Variants in TRMT11 observed in about 807,000 individuals in gnomAD.
The protein encoded by TRMT11 is tRNA (guanine(10)-N(2))-methyltransferase TRMT11.
Under a neutral mutation model 62.8 loss-of-function variants are expected in TRMT11, and 53 were observed. The ratio of observed to expected loss-of-function variants is 0.84; its 90% CI spans 0.68 to 1.06. The LOEUF is 1.06. Ranked by LOEUF, TRMT11 falls within the 50% of genes least tolerant of loss-of-function variation. TRMT11 has a pLI of 0.00. For synonymous variants in TRMT11, 188 were observed against 190.3 expected (o/e 0.99, Z 0.10); for missense variants, 556 against 553.4 (o/e 1.00, Z -0.05).
chr6:126,120,319 T>C (rs974988642), intron 21 of TRMT11, among the ~76,000 whole-genome samples: 2 of 152,122 alleles, frequency 1.3e-5, no homozygotes, highest in East Asian at 1.9e-4. Context: ...CTCAAACATA[T>C]AAAATAGGTA....
Position 125,998,679 on chromosome 6 carries a change from A to G in TRMT11, c.517A>G (p.Arg173Gly). Residue 173 changes from arginine (R) to glycine (G), a missense_variant, in exon 6 of 13, where the codon AGA becomes GGA. Arg to Gly is a moderately radical substitution (Grantham distance 125, BLOSUM62 -2). Transcript: ENST00000334379. Reference protein sequence around the residue: ...PENPHNIYFGRWIADGQRELI... With the variant: ...PENPHNIYFGGWIADGQRELI... ...GAATCCACATAATATTTATTTTGGT[A>G]GATGGGTGAGCAAGTTTTCTTTCTA... is the stretch of plus-strand genomic sequence containing the variant. 6.2e-7 allele frequency: 1 copy of G among 1,609,962 alleles called. No individual in the cohort carries two copies. Among genetic ancestry groups the G allele is most frequent in the South Asian group, 1.1e-5 (1 of 90,176 alleles).
At chr6:126,232,037 A>G in the TRMT11 span, among the ~76,000 whole-genome samples, 1 of 152,190 alleles carries the variant, frequency 6.6e-6, no homozygotes, top group African/African-American at 2.4e-5. Context: ...AAAAAAGTAT[A>G]TAATCATATG....
chr6:126,192,597 T>C (rs1461444186), intron 1 of TRMT11, among the ~76,000 whole-genome samples: 2 of 152,168 alleles, frequency 1.3e-5, no homozygotes, highest in South Asian at 2.1e-4. Context: ...ATGGCTTTCA[T>C]TGGGTTGAGG....
the TRMT11 span, among the ~76,000 whole-genome samples, chr6:126,208,900 A>G: frequency 1.3e-5 from 2 of 152,232 alleles, no homozygotes; most frequent in Non-Finnish European, 2.9e-5. Flanking sequence ...GAAGACTAAT[A>G]TATATAATTT....
At chr6:126,170,964 G>A (rs2128235820) in intron 21 of TRMT11, among the ~76,000 whole-genome samples, 1 of 152,242 alleles carries the variant, frequency 6.6e-6, no homozygotes, top group African/African-American at 2.4e-5. Context: ...AGAAACTCTG[G>A]GGATGGTATT....
At chr6:126,071,987 C>G (rs1776872637) in intron 17 of TRMT11, among the ~76,000 whole-genome samples, 1 of 152,060 alleles carries the variant, frequency 6.6e-6, no homozygotes, top group Non-Finnish European at 1.5e-5. Flanking sequence ...CTGCTGCCAC[C>G]AAATTTTGAG....
At chr6:126,034,955 G>A (rs1441125702) in intron 12 of TRMT11, among the ~76,000 whole-genome samples, 1 of 152,040 alleles carries the variant, frequency 6.6e-6, no homozygotes, top group Non-Finnish European at 1.5e-5. Flanking sequence ...AAAAGGTGAT[G>A]AAAAATATGT....
At chr6:126,016,266 G>A (rs2127958157) in intron 11 of TRMT11, among the ~76,000 whole-genome samples, 1 of 152,272 alleles carries the variant, frequency 6.6e-6, no homozygotes, top group South Asian at 2.1e-4. Context: ...GTGGTATGGA[G>A]TCATGGATTC....
At chr6:126,269,263 CAAA>C in the TRMT11 span, among the ~76,000 whole-genome samples, 3 of 68,870 alleles carry the variant, frequency 4.4e-5, no homozygotes, top group African/African-American at 1.3e-4. Context: ...GACTCCGTCT[CAAA>C]AAAAAAAAAA....
chr6:125,996,707 C>G (rs1269214818), intron 3 of TRMT11, among the ~76,000 whole-genome samples: 1 of 152,064 alleles, frequency 6.6e-6, no homozygotes, highest in Non-Finnish European at 1.5e-5. Flanking sequence ...CTTTAAGCTG[C>G]TTTTTCTTCC....
chr6:126,087,560 T>C (rs945200946), intron 17 of TRMT11, among the ~76,000 whole-genome samples: 1 of 152,230 alleles, frequency 6.6e-6, no homozygotes, highest in African/African-American at 2.4e-5. Context: ...TTTGTTTTTC[T>C]CCATAAGCTG....
At chr6:126,080,208 C>T (rs115474741) in intron 17 of TRMT11, among the ~76,000 whole-genome samples, 5,424 of 151,998 alleles carry the variant, frequency 0.036, 293 homozygotes, top group African/African-American at 0.12. Context: ...CTCAAGTGGT[C>T]CTCCCCACTC....
At chr6:126,130,820 G>A (rs529904312) in intron 21 of TRMT11, among the ~76,000 whole-genome samples, 1 of 152,216 alleles carries the variant, frequency 6.6e-6, no homozygotes, top group Non-Finnish European at 1.5e-5. Context: ...GAAAACATTA[G>A]CAGTGACAAA....
chr6:126,161,261 A>G lies in TRMT11; in HGVS notation c.*1824-13564A>G, dbSNP rs1419205952. The stretch of plus-strand genomic sequence containing the variant: ...CCAACCCCCCTACAGGCCCTGGCAT[A>G]TGATGTTCCCCTCCCTGTGCCCATA... On this transcript the variant is annotated intron_variant and NMD_transcript_variant, in intron 21 of 22. Transcript: ENST00000648977. 2.0e-5 allele frequency among the ~76,000 whole-genome samples: 3 copies of G among 151,620 alleles called. No individual in the cohort carries two copies. In the East Asian group the frequency reaches 5.8e-4, roughly 29 times the overall value.
chr6:126,003,391 G>T (rs949781755), intron 7 of TRMT11, among the ~76,000 whole-genome samples: 2 of 152,060 alleles, frequency 1.3e-5, no homozygotes, highest in African/African-American at 4.8e-5. Context: ...CTGTCCTAGG[G>T]TAAATTCTTA....
chr6:126,209,066 G>A, the TRMT11 span, among the ~76,000 whole-genome samples: 8 of 152,174 alleles, frequency 5.3e-5, no homozygotes, highest in African/African-American at 1.9e-4. Context: ...ATGGCCTCTT[G>A]AATGAGTTAT....
intron 1 of TRMT11, among the ~76,000 whole-genome samples, chr6:126,191,008 T>G (rs1778592579): frequency 1.3e-5 from 2 of 152,178 alleles, no homozygotes; most frequent in Admixed American, 6.5e-5. Context: ...TTGAGGAACC[T>G]CCATACTGTT....
chr6:126,232,891 A>C, the TRMT11 span, among the ~76,000 whole-genome samples: 1 of 152,202 alleles, frequency 6.6e-6, no homozygotes, highest in Non-Finnish European at 1.5e-5. Context: ...CAAAATGTCA[A>C]GTCATGTGGC....
At chr6:126,119,221 G>A (rs1777621832) in intron 21 of TRMT11, among the ~76,000 whole-genome samples, 1 of 152,070 alleles carries the variant, frequency 6.6e-6, no homozygotes, top group African/African-American at 2.4e-5. Flanking sequence ...CCTAAACAGA[G>A]GCTTGTCCTT....
Sources: allele counts gnomAD v4.1 joint callset (sites outside exome capture counted in the v4.1 genomes callset), GRCh38; gene constraint gnomAD v4.1.1; transcripts MANE v1.5; gene names NCBI Gene and HGNC (gene_info 2026-07-23, HGNC 2026-07-21).